Variants in KCNH5 observed in about 807,000 individuals in gnomAD.
KCNH5 encodes the protein voltage-gated delayed rectifier potassium channel KCNH5.
KCNH5 carries 46 observed loss-of-function variants against 96.1 expected under a neutral mutation model. The ratio of observed to expected loss-of-function variants is 0.48; its 90% CI spans 0.38 to 0.61. The LOEUF is 0.61. Ranked by LOEUF, KCNH5 falls within the 20% of genes least tolerant of loss-of-function variation. The probability of loss-of-function intolerance (pLI) is 0.00; values close to 1 mark genes in which losing one functional copy is unlikely to be tolerated. For synonymous variants in KCNH5, 439 were observed against 449.8 expected (o/e 0.98, Z 0.30); for missense variants, 907 against 1,225.8 (o/e 0.74, Z 3.88).
Position 62,850,995 on chromosome 14 carries a change from A to C in KCNH5, c.1370-1143T>G, listed in dbSNP as rs530367598. Among the ~76,000 whole-genome samples the C allele has an allele frequency of 1.4e-4, 22 of 152,340 alleles. No homozygotes were observed. The South Asian group carries it at 4.3e-3, about 30-fold the overall frequency. ...TCATCAGCCAAATCCCATTTGATGGAAGTGGTATAAAATCAAGCTAGTGAA... is the reference window on the plus strand; with the variant it reads ...TCATCAGCCAAATCCCATTTGATGGCAGTGGTATAAAATCAAGCTAGTGAA... On this transcript the variant is annotated intron_variant, in intron 7 of 10. Coordinates refer to ENST00000322893, the MANE Select transcript of KCNH5 (RefSeq NM_139318.5).
intron 1 of KCNH5, among the ~76,000 whole-genome samples, chr14:63,031,165 C>G (rs1412104938): frequency 6.6e-6 from 1 of 151,794 alleles, no homozygotes; most frequent in Non-Finnish European, 1.5e-5. Context: ...AAGACAGGAC[C>G]AGGCCTCCCT....
intron 7 of KCNH5, among the ~76,000 whole-genome samples, chr14:62,945,248 G>A (rs17100561): frequency 0.049 from 7,480 of 152,094 alleles, 617 homozygotes; most frequent in African/African-American, 0.17. Flanking sequence ...AACTTATATC[G>A]ATAGGCCGAT....
intron 10 of KCNH5, among the ~76,000 whole-genome samples, chr14:62,755,628 A>T (rs1885605498): frequency 6.6e-6 from 1 of 152,206 alleles, no homozygotes; most frequent in South Asian, 2.1e-4. Context: ...GATGCATCGA[A>T]AAAAGAAAAA....
chr14:62,977,504 T>C (rs1313808581), intron 6 of KCNH5, among the ~76,000 whole-genome samples: 1 of 152,210 alleles, frequency 6.6e-6, no homozygotes, highest in Non-Finnish European at 1.5e-5. Flanking sequence ...AAATCTCACC[T>C]TTCATGTTGA....
At chr14:63,007,452 T>C (rs1356606328) in intron 2 of KCNH5, among the ~76,000 whole-genome samples, 1 of 152,154 alleles carries the variant, frequency 6.6e-6, no homozygotes, top group Non-Finnish European at 1.5e-5. Context: ...AATAAAACAC[T>C]TCCTCCATTC....
At chr14:62,860,961 C>A (rs1005467817) in intron 7 of KCNH5, among the ~76,000 whole-genome samples, 8 of 152,162 alleles carry the variant, frequency 5.3e-5, no homozygotes, top group Non-Finnish European at 1.0e-4. Context: ...GGAGGTTCTA[C>A]AAGAAACACA....
chr14:63,003,761 A>C (rs1186603013), intron 3 of KCNH5, among the ~76,000 whole-genome samples: 5 of 96,468 alleles, frequency 5.2e-5, no homozygotes, highest in Non-Finnish European at 1.0e-4. Flanking sequence ...CTGGGACTAC[A>C]AGGCGCCTGC....
rs1167953888 is a variant in KCNH5 at position 63,043,337 on chromosome 14, C to A, written c.73+1777G>T. On this transcript the variant is annotated intron_variant, in intron 1 of 10. Transcript: ENST00000322893. ...GTTTTAAGGCCTTCTCTGAAAAGTT[C>A]TCTCATAGACCAAATTGCGTGAAGT... Among the ~76,000 whole-genome samples the A allele has an allele frequency of 3.3e-5, 5 of 152,238 alleles. 1 individual carries two copies. The South Asian group carries it at 8.3e-4, about 25-fold the overall frequency.
At chr14:62,799,726 T>TAC (rs67691300) in intron 9 of KCNH5, among the ~76,000 whole-genome samples, 919 of 68,466 alleles carry the variant, frequency 0.013, 23 homozygotes, top group South Asian at 0.034. Context: ...TATATATATA[T>TAC]ACACACACAC....
chr14:62,950,592 C>T (rs1889985012), intron 6 of KCNH5, 33 bp from the exon 7 acceptor site: 7 of 1,455,772 alleles, frequency 4.8e-6, no homozygotes, highest in South Asian at 1.3e-5. Context: ...AATTACACCA[C>T]ATTTTCAGGA....
intron 8 of KCNH5, among the ~76,000 whole-genome samples, chr14:62,819,801 C>G (rs1301248661): frequency 1.3e-5 from 2 of 152,180 alleles, no homozygotes; most frequent in African/African-American, 2.4e-5. Flanking sequence ...GACTTGAACA[C>G]TTTACATGTG....
At chr14:62,830,490 C>T (rs561113858) in intron 8 of KCNH5, among the ~76,000 whole-genome samples, 1 of 152,188 alleles carries the variant, frequency 6.6e-6, no homozygotes, top group Admixed American at 6.5e-5. Flanking sequence ...ACAGTCATGG[C>T]AAAGGGGAAG....
chr14:62,772,375 A>C (rs1286032150), intron 10 of KCNH5, among the ~76,000 whole-genome samples: 1 of 152,212 alleles, frequency 6.6e-6, no homozygotes. Flanking sequence ...CCTGTGGCTC[A>C]TGCCTGTAAT....
chr14:62,822,682 C>A (rs925372847), intron 8 of KCNH5, among the ~76,000 whole-genome samples: 2 of 145,826 alleles, frequency 1.4e-5, no homozygotes, highest in Non-Finnish European at 3.0e-5. Context: ...AAAAAAAAAG[C>A]TTTTTAGAAA....
chr14:62,752,463 G>C (rs767014850), intron 10 of KCNH5, among the ~76,000 whole-genome samples: 2 of 115,608 alleles, frequency 1.7e-5, no homozygotes, highest in Non-Finnish European at 3.8e-5. Context: ...TCCTGACCCA[G>C]AGGGAATCCT....
chr14:62,795,678 T>C (rs1886526751), intron 9 of KCNH5, among the ~76,000 whole-genome samples: 1 of 152,132 alleles, frequency 6.6e-6, no homozygotes, highest in South Asian at 2.1e-4. Flanking sequence ...CAATAGCCTT[T>C]ACTGAGAACC....
At chr14:62,801,543 T>C (rs1216132530) in intron 9 of KCNH5, among the ~76,000 whole-genome samples, 3 of 134,704 alleles carry the variant, frequency 2.2e-5, no homozygotes, top group African/African-American at 8.1e-5. Context: ...TATCCTACAC[T>C]GTCCCCAAAC....
chr14:63,038,525 T>G (rs1462649494), intron 1 of KCNH5, among the ~76,000 whole-genome samples: 1 of 152,184 alleles, frequency 6.6e-6, no homozygotes, highest in African/African-American at 2.4e-5. Flanking sequence ...CTATTTTCAA[T>G]AAAATTTCCA....
At chr14:62,795,299 T>C (rs1886517535) in intron 9 of KCNH5, among the ~76,000 whole-genome samples, 1 of 152,146 alleles carries the variant, frequency 6.6e-6, no homozygotes, top group South Asian at 2.1e-4. Flanking sequence ...TGGCAAAATA[T>C]AGCAGAGTTG....
Sources: gnomAD v4.1 joint callset for allele counts (sites outside exome capture counted in the v4.1 genomes callset) on GRCh38, gnomAD v4.1.1 for gene constraint, MANE v1.5 for transcripts, NCBI Gene and HGNC (gene_info 2026-07-23, HGNC 2026-07-21) for gene names.